The following SEC22A variants were observed in gnomAD, a reference collection of about 807,000 sequenced individuals.
SEC22A encodes the protein SEC22 homolog A, vesicle trafficking protein.
A neutral mutation model predicts 35.3 loss-of-function variants in SEC22A; 22 were observed. The observed-to-expected ratio is 0.62, with a 90% CI of 0.45 to 0.89. The LOEUF (loss-of-function observed/expected upper bound fraction) is 0.89. Among genes scored for constraint, SEC22A ranks in the 40% least tolerant of loss-of-function variants. SEC22A has a pLI of 0.00. For synonymous variants in SEC22A, 119 were observed against 129.5 expected, an observed-to-expected ratio of 0.92 and a Z score of 0.55; for missense variants, 354 against 362.5, an observed-to-expected ratio of 0.98 and a Z score of 0.19.
intron 2 of SEC22A, among the ~76,000 whole-genome samples, chr3:123,221,021 A>C (rs1296703071): frequency 6.6e-6 from 1 of 151,714 alleles, no homozygotes; most frequent in East Asian, 1.9e-4. Flanking sequence ...AAGAGTGATA[A>C]GACACTTTAA....
chr3:123,219,057 G>A (rs1361844908), intron 2 of SEC22A, among the ~76,000 whole-genome samples: 1 of 152,188 alleles, frequency 6.6e-6, no homozygotes, highest in African/African-American at 2.4e-5. Context: ...TGTGTGTTCT[G>A]GGAAGGACTT....
At chr3:123,264,195 C>T (rs1937968000) in intron 6 of SEC22A, among the ~76,000 whole-genome samples, 1 of 152,176 alleles carries the variant, frequency 6.6e-6, no homozygotes, top group Admixed American at 6.5e-5. Context: ...CAGGTGTGAG[C>T]CACAACATCC....
chr3:123,224,535 C>T (rs1937186869), intron 3 of SEC22A, among the ~76,000 whole-genome samples: 1 of 152,156 alleles, frequency 6.6e-6, no homozygotes, highest in Non-Finnish European at 1.5e-5. Flanking sequence ...GTGGCTCATG[C>T]CTTTTATCCC....
intron 6 of SEC22A, among the ~76,000 whole-genome samples, chr3:123,261,029 G>A (rs375199516): frequency 6.6e-6 from 1 of 151,792 alleles, no homozygotes; most frequent in East Asian, 1.9e-4. Flanking sequence ...TAGAGATGAC[G>A]TTTCACCATG....
chr3:123,203,053 C>CTTTTTTTTTTTTTTTTT lies in SEC22A; in HGVS notation c.-20+1085_-20+1101dup, dbSNP rs779433710. Among the ~76,000 whole-genome samples, 10 of 43,836 alleles carry CTTTTTTTTTTTTTTTTT rather than the reference C, an allele frequency of 2.3e-4. 1 individual carries two copies. The highest frequency in any genetic ancestry group is 6.4e-4 in the African/African-American group (6 of 9,430). 28.8% of individuals were successfully genotyped at this position (43,836 alleles called of 152,430 possible). ...GAAAACCATCACATCTGTTTAGTGC[C>CTTTTTTTTTTTTTTTTT]TTTTTTTTTTTTTTTTTTTTTTTTT... On this transcript the variant is annotated intron_variant, in intron 1 of 6. Coordinates refer to ENST00000492595, the MANE Select transcript of SEC22A (RefSeq NM_012430.5).
At chr3:123,251,446 A>T (rs1937612640) in intron 5 of SEC22A, among the ~76,000 whole-genome samples, 1 of 152,176 alleles carries the variant, frequency 6.6e-6, no homozygotes, top group South Asian at 2.1e-4. Context: ...AAATTGGTTC[A>T]TATGGGGATT....
intron 2 of SEC22A, among the ~76,000 whole-genome samples, chr3:123,213,508 C>T (rs75094404): frequency 2.0e-5 from 3 of 152,142 alleles, no homozygotes. Context: ...CCTTCTTTCT[C>T]ATTACTATTT....
Position 123,272,069 on chromosome 3 carries a change from G to C in SEC22A, c.*347G>C, listed in dbSNP as rs779367197. 7 of 245,734 alleles carry C rather than the reference G, an allele frequency of 2.8e-5. No individual in the cohort carries two copies. The highest frequency in any genetic ancestry group is 5.5e-5 in the Non-Finnish European group (7 of 127,118). 15.2% of individuals were successfully genotyped at this position (245,734 alleles called of 1,614,324 possible). A position where few individuals can be genotyped will look rare whatever the true frequency, so the allele number is the denominator to read the frequency against. On this transcript the variant is annotated 3_prime_UTR_variant, in exon 7 of 7. Transcript: ENST00000492595. ...GTATTGCTCTGAGGACCAGGCAGGA[G>C]GAACTCTACAACCTGAGTTTGCCTT...
At chr3:123,250,572 T>C (rs1226893503) in intron 5 of SEC22A, among the ~76,000 whole-genome samples, 1 of 152,238 alleles carries the variant, frequency 6.6e-6, no homozygotes, top group Non-Finnish European at 1.5e-5. Context: ...TTGGGCCTTC[T>C]CTTCCTATGG....
chr3:123,267,034 G>A (rs1364810154), intron 6 of SEC22A, among the ~76,000 whole-genome samples: 1 of 151,924 alleles, frequency 6.6e-6, no homozygotes, highest in Non-Finnish European at 1.5e-5. Context: ...TCTTTGCTTT[G>A]AAATATTTTG....
At chr3:123,214,082 C>G (rs1470319971) in intron 2 of SEC22A, among the ~76,000 whole-genome samples, 1 of 152,024 alleles carries the variant, frequency 6.6e-6, no homozygotes, top group Non-Finnish European at 1.5e-5. Context: ...CTAATCCAAG[C>G]TACTCAGGAG....
intron 6 of SEC22A, among the ~76,000 whole-genome samples, chr3:123,265,732 C>T (rs138259564): frequency 1.6e-3 from 239 of 152,208 alleles, no homozygotes; most frequent in African/African-American, 3.9e-3. Context: ...AGATGTGAGA[C>T]TTAGATAGCT....
chr3:123,253,855 A>T (rs1002852611), intron 5 of SEC22A, among the ~76,000 whole-genome samples: 1 of 152,008 alleles, frequency 6.6e-6, no homozygotes, highest in Non-Finnish European at 1.5e-5. Context: ...TTCTGATTAT[A>T]TGCTAATTCA....
intron 4 of SEC22A, among the ~76,000 whole-genome samples, chr3:123,242,099 A>C (rs1937529301): frequency 6.6e-6 from 1 of 151,918 alleles, no homozygotes. Context: ...CCTAGGTTTC[A>C]CTTGATTCTC....
chr3:123,270,564 A>G (rs1938137309), intron 6 of SEC22A, among the ~76,000 whole-genome samples: 2 of 152,330 alleles, frequency 1.3e-5, no homozygotes, highest in Middle Eastern at 3.4e-3. Flanking sequence ...AGCACTTACT[A>G]TGTCCCAGGC....
chr3:123,238,153 C>CA (rs111969359), intron 4 of SEC22A, among the ~76,000 whole-genome samples: 244 of 150,808 alleles, frequency 1.6e-3, no homozygotes, highest in African/African-American at 5.8e-3. Context: ...GACCCTGTCT[C>CA]AAAAAAAAAG....
chr3:123,250,238 C>T (rs907201879), intron 5 of SEC22A, among the ~76,000 whole-genome samples: 12 of 152,066 alleles, frequency 7.9e-5, no homozygotes, highest in Middle Eastern at 6.8e-3. Context: ...GGTGAAACCC[C>T]GTCTCTACTA....
rs751195407 is a variant in SEC22A, at chr3:123,271,649, C to A, written c.851C>A (p.Thr284Asn). Residue 284 changes from threonine to asparagine, a missense_variant, in exon 7 of 7, where the codon ACT (threonine) becomes AAT (asparagine). Physicochemically the swap from Thr to Asn is moderately conservative, Grantham distance 65. Transcript: ENST00000492595. Reference protein sequence around the residue: ...RNLWQLFFHVTVGAFVTLQIW... With the variant: ...RNLWQLFFHVNVGAFVTLQIW... ...CTCTGGCAGCTTTTCTTTCATGTGA[C>A]TGTGGGAGCATTTGTTACACTACAG... is the stretch of plus-strand genomic sequence containing the variant. 1 of 1,614,190 alleles carries A rather than the reference C, an allele frequency of 6.2e-7. No individual in the cohort carries two copies. The highest frequency in any genetic ancestry group is 8.5e-7 in the Non-Finnish European group (1 of 1,180,026).
intron 4 of SEC22A, among the ~76,000 whole-genome samples, chr3:123,228,897 T>A (rs1381574772): frequency 6.6e-6 from 1 of 152,022 alleles, no homozygotes; most frequent in Non-Finnish European, 1.5e-5. Context: ...TAACAATAGA[T>A]TTGAACTGGC....
Sources: allele counts gnomAD v4.1 joint callset (sites outside exome capture counted in the v4.1 genomes callset), GRCh38; gene constraint gnomAD v4.1.1; transcripts MANE v1.5; gene names NCBI Gene and HGNC (gene_info 2026-07-23, HGNC 2026-07-21).